Variants in TRPC4 observed in about 807,000 individuals in gnomAD.
The protein encoded by TRPC4 is short transient receptor potential channel 4.
Under a neutral mutation model 99.4 loss-of-function variants are expected in TRPC4, and 49 were observed. The observed-to-expected ratio is 0.49, with a 90% CI of 0.39 to 0.63. The LOEUF is 0.63. Among genes scored for constraint, TRPC4 ranks in the 20% least tolerant of loss-of-function variants. The pLI, the probability that TRPC4 is intolerant of heterozygous loss-of-function variation, is 0.00. For synonymous variants in TRPC4, 454 were observed against 425.9 expected (o/e 1.07, Z -0.81); for missense variants, 898 against 1,152.9 (o/e 0.78, Z 3.20).
intron 1 of TRPC4, among the ~76,000 whole-genome samples, chr13:37,810,619 T>C (rs185459353): frequency 1.3e-5 from 2 of 152,192 alleles, no homozygotes; most frequent in Non-Finnish European, 2.9e-5. Flanking sequence ...TCTTGAACTG[T>C]GAAGTTAGTT....
At chr13:37,798,112 A>G (rs1957304438) in intron 1 of TRPC4, among the ~76,000 whole-genome samples, 1 of 152,184 alleles carries the variant, frequency 6.6e-6, no homozygotes, top group African/African-American at 2.4e-5. Context: ...CATAAATAGC[A>G]TAGTGTATTT....
At chr13:37,868,580 G>A (rs935689841) in intron 1 of TRPC4, among the ~76,000 whole-genome samples, 2 of 151,918 alleles carry the variant, frequency 1.3e-5, no homozygotes, top group African/African-American at 4.8e-5. Flanking sequence ...GAAATTATAT[G>A]AGCTCTGAGA....
At chr13:37,789,082 C>T (rs558676850) in intron 1 of TRPC4, among the ~76,000 whole-genome samples, 4 of 152,074 alleles carry the variant, frequency 2.6e-5, no homozygotes, top group South Asian at 2.1e-4. Flanking sequence ...CTTTCTAAGA[C>T]GCAAATCTCA....
At chr13:37,638,977 G>T in intron 10 of TRPC4, 63 bp downstream of exon 10, 1 of 1,532,056 alleles carries the variant, frequency 6.5e-7, no homozygotes, top group Non-Finnish European at 9.0e-7. Flanking sequence ...GATTTTAAAT[G>T]TGCTCTATCT....
At chr13:37,847,900 A>C (rs886100274) in intron 1 of TRPC4, among the ~76,000 whole-genome samples, 5 of 152,102 alleles carry the variant, frequency 3.3e-5, no homozygotes, top group Admixed American at 1.3e-4. Flanking sequence ...GGAAATGGGG[A>C]GGTGGTGACC....
At chr13:37,687,573 T>C (rs571808100) in intron 4 of TRPC4, among the ~76,000 whole-genome samples, 3 of 152,372 alleles carry the variant, frequency 2.0e-5, no homozygotes, top group African/African-American at 7.2e-5. Context: ...TGATGAATTC[T>C]CATAATGCAC....
chr13:37,650,612 T>TACACAC (rs57068516), intron 8 of TRPC4, among the ~76,000 whole-genome samples: 8,712 of 140,492 alleles, frequency 0.062, 655 homozygotes, highest in African/African-American at 0.18. Flanking sequence ...TCTCTCTCTA[T>TACACAC]ACACACACAC....
chr13:37,812,533 T>G (rs546699593), intron 1 of TRPC4, among the ~76,000 whole-genome samples: 2 of 152,056 alleles, frequency 1.3e-5, no homozygotes, highest in African/African-American at 4.8e-5. Context: ...AGATTAGATA[T>G]TGCCAAAAAG....
At chr13:37,854,928 G>A (rs1959146314) in intron 1 of TRPC4, 1 of 151,966 alleles carries the variant, frequency 6.6e-6, no homozygotes, top group Non-Finnish European at 1.5e-5. Flanking sequence ...TAGCTTCCAA[G>A]ATCAGATGAG....
intron 1 of TRPC4, among the ~76,000 whole-genome samples, chr13:37,786,209 A>G (rs926767822): frequency 1.5e-4 from 23 of 152,108 alleles, no homozygotes; most frequent in Non-Finnish European, 2.9e-4. Context: ...CAGATTTTAA[A>G]TATGTTTAAA....
At chr13:37,756,143 T>C (rs1657579499) in intron 2 of TRPC4, among the ~76,000 whole-genome samples, 1 of 152,192 alleles carries the variant, frequency 6.6e-6, no homozygotes, top group Non-Finnish European at 1.5e-5. Context: ...CCTAAATTTA[T>C]ATACATATGT....
rs563075114 is a variant in TRPC4 at position 37,843,777 on chromosome 13, C to T, written c.-28+25818G>A. 1.4e-3 allele frequency among the ~76,000 whole-genome samples: 213 copies of T among 152,198 alleles called. 2 individuals carry two copies. Among genetic ancestry groups the T allele is most frequent in the Admixed American group, 0.01 (157 of 15,262 alleles). On this transcript the variant is annotated intron_variant, in intron 1 of 10. Transcript: ENST00000379705. Reference sequence around the variant, plus strand: ...GCAGAATAGGAGTTCTCCAGCTTCACTCTCTCCTACCTACCACAGAAATCT... The same window carrying T: ...GCAGAATAGGAGTTCTCCAGCTTCATTCTCTCCTACCTACCACAGAAATCT...
At chr13:37,777,763 A>G (rs1593719213) in intron 2 of TRPC4, among the ~76,000 whole-genome samples, 1 of 152,054 alleles carries the variant, frequency 6.6e-6, no homozygotes, top group South Asian at 2.1e-4. Context: ...ACACTTTTAC[A>G]GAATTTGAAC....
At chr13:37,754,086 T>G (rs1328104128) in intron 2 of TRPC4, among the ~76,000 whole-genome samples, 1 of 152,122 alleles carries the variant, frequency 6.6e-6, no homozygotes, top group Non-Finnish European at 1.5e-5. Flanking sequence ...ACTACCTGTT[T>G]CAATAATTTA....
chr13:37,655,347 C>G, intron 6 of TRPC4, 64 bp from the exon 7 acceptor site: 1 of 873,494 alleles, frequency 1.1e-6, no homozygotes, highest in Non-Finnish European at 1.5e-6. Flanking sequence ...TGGGATAAAA[C>G]AATAAAGCTT....
intron 1 of TRPC4, among the ~76,000 whole-genome samples, chr13:37,843,681 G>GACAC (rs5802907): frequency 0.019 from 2,525 of 134,112 alleles, 29 homozygotes; most frequent in African/African-American, 0.042. Flanking sequence ...GATGTTTGGT[G>GACAC]ACACACACAC....
rs191278059 is a variant in TRPC4, at chr13:37,823,995, G to A, written c.-27-40635C>T. Among the ~76,000 whole-genome samples, 4 of 137,238 alleles carry A rather than the reference G, an allele frequency of 2.9e-5. No homozygotes were observed. The East Asian group carries it at 7.3e-4, about 25-fold the overall frequency. The allele number at this position is 137,238 out of a possible 152,430, so 90.0% of individuals were successfully genotyped here. A position where few individuals can be genotyped will look rare whatever the true frequency, so the allele number is the denominator to read the frequency against. On this transcript the variant is annotated intron_variant, in intron 1 of 10. Coordinates refer to ENST00000379705, the MANE Select transcript of TRPC4 (RefSeq NM_016179.4). ...CTTGAAGAGGTCCTTCACATCGTTT[G>A]TAAGTTGGATTCCTAGGTATTTTAT...
intron 3 of TRPC4, among the ~76,000 whole-genome samples, chr13:37,745,479 C>CGT (rs1955733965): frequency 2.2e-4 from 8 of 37,024 alleles, no homozygotes; most frequent in African/African-American, 5.2e-4. Flanking sequence ...TATATACACA[C>CGT]ACACACACAC....
intron 2 of TRPC4, among the ~76,000 whole-genome samples, chr13:37,776,451 C>T (rs918652848): frequency 1.3e-4 from 19 of 151,718 alleles, no homozygotes; most frequent in Admixed American, 7.2e-4. Flanking sequence ...TATTCTTTTG[C>T]TCTCTTTAGC....
Sources: allele counts gnomAD v4.1 joint callset (sites outside exome capture counted in the v4.1 genomes callset), GRCh38; gene constraint gnomAD v4.1.1; transcripts MANE v1.5; gene names NCBI Gene and HGNC (gene_info 2026-07-23, HGNC 2026-07-21).